Variants in NTN1 observed in about 807,000 individuals in gnomAD.
NTN1 encodes the protein netrin-1.
NTN1 carries 11 observed loss-of-function variants against 54.2 expected under a neutral mutation model. That is an observed-to-expected ratio of 0.20 (90% CI 0.13 to 0.34). NTN1 has a LOEUF of 0.34. NTN1 is among the 10% of genes least tolerant of loss of function. The probability of loss-of-function intolerance (pLI) is 1.00; values close to 1 mark genes in which losing one functional copy is unlikely to be tolerated. For synonymous variants in NTN1, 371 were observed against 382.0 expected, an observed-to-expected ratio of 0.97 and a Z score of 0.33; for missense variants, 740 against 893.1, an observed-to-expected ratio of 0.83 and a Z score of 2.18.
intron 2 of NTN1, among the ~76,000 whole-genome samples, chr17:9,148,855 T>C (rs1290978126): frequency 6.6e-6 from 1 of 151,974 alleles, no homozygotes; most frequent in Non-Finnish European, 1.5e-5. Flanking sequence ...GGCTGGTCTC[T>C]GGAGTTTACA....
chr17:9,192,355 A>G (rs1376046589), intron 5 of NTN1, among the ~76,000 whole-genome samples: 1 of 152,224 alleles, frequency 6.6e-6, no homozygotes, highest in Non-Finnish European at 1.5e-5. Context: ...GAAAGATAAA[A>G]TATAGTGCCA....
intron 5 of NTN1, among the ~76,000 whole-genome samples, chr17:9,204,579 GC>G (rs1310344273): frequency 1.3e-5 from 2 of 152,246 alleles, no homozygotes; most frequent in African/African-American, 4.8e-5. Context: ...ACAGGCGTGA[GC>G]CAAGCAACCC....
intron 5 of NTN1, among the ~76,000 whole-genome samples, chr17:9,187,672 A>C (rs2092437717): frequency 6.6e-6 from 1 of 151,196 alleles, no homozygotes; most frequent in Non-Finnish European, 1.5e-5. Context: ...AAAAAAAAAA[A>C]AAAAAAACAT....
Position 9,023,380 on chromosome 17 carries a change from A to G in NTN1, c.1007A>G (p.Asn336Ser), listed in dbSNP as rs1320393559. The G allele has an allele frequency of 7.5e-6, 11 of 1,469,022 alleles. No homozygotes were observed. In the South Asian group the frequency reaches 1.2e-4, roughly 16 times the overall value. The allele number at this position is 1,469,022 out of a possible 1,614,324, so 91.0% of individuals were successfully genotyped here. A position where few individuals can be genotyped will look rare whatever the true frequency, so the allele number is the denominator to read the frequency against. The change falls in exon 2 of 7, where the codon AAC becomes AGC. Residue 336 changes from asparagine (N) to serine (S), a missense_variant. Physicochemically the swap from Asn to Ser is conservative, Grantham distance 46. Coordinates refer to ENST00000173229, the MANE Select transcript of NTN1 (RefSeq NM_004822.3). ...CAGCGCGCCACAGCCCGCGAAGCCA[A>G]CGAGTGCGTGGGTGAGTGGGGTGCG... ...PWQRATAREANECVACNCNLH... is the reference protein window; with the variant it reads ...PWQRATAREASECVACNCNLH...
intron 2 of NTN1, among the ~76,000 whole-genome samples, chr17:9,110,357 C>T (rs1313459258): frequency 6.6e-6 from 1 of 151,704 alleles, no homozygotes; most frequent in South Asian, 2.1e-4. Context: ...GCAACCTCTG[C>T]CTCCCAGGTT....
At chr17:9,056,438 A>G (rs1036360569) in intron 2 of NTN1, among the ~76,000 whole-genome samples, 10 of 152,172 alleles carry the variant, frequency 6.6e-5, no homozygotes, top group African/African-American at 2.4e-4. Context: ...TTTGAGGTCT[A>G]TGGGAAGCCA....
rs182476716 is a variant in NTN1, at chr17:9,100,422, C to T, written c.1019-62391C>T. Among the ~76,000 whole-genome samples the T allele has an allele frequency of 2.0e-3, 309 of 152,246 alleles. 2 individuals carry two copies. The highest frequency in any genetic ancestry group is 3.7e-3 in the Non-Finnish European group (255 of 68,014). On this transcript the variant is annotated intron_variant, in intron 2 of 6. Coordinates refer to ENST00000173229, the MANE Select transcript of NTN1 (RefSeq NM_004822.3). ...AAGTGATTCTTCTGCCTCAGCCTTC[C>T]GAGTAGCTGGGACTACAAGCATGTG...
intron 2 of NTN1, among the ~76,000 whole-genome samples, chr17:9,095,792 T>C (rs991605238): frequency 4.7e-5 from 7 of 150,134 alleles, no homozygotes; most frequent in Middle Eastern, 3.4e-3. Context: ...TTTATAATTT[T>C]TTTCTTTTTC....
intron 2 of NTN1, among the ~76,000 whole-genome samples, chr17:9,032,713 G>T (rs2091891613): frequency 6.6e-6 from 1 of 152,222 alleles, no homozygotes. Context: ...CCCCAGGGCA[G>T]AGCTGTTGGA....
intron 2 of NTN1, among the ~76,000 whole-genome samples, chr17:9,133,878 G>A (rs1477881939): frequency 6.9e-6 from 1 of 144,648 alleles, no homozygotes; most frequent in Admixed American, 7.0e-5. Context: ...GAGATTACAG[G>A]CATGAGCCAC....
At chr17:9,210,250 C>A (rs548018119) in intron 5 of NTN1, among the ~76,000 whole-genome samples, 2 of 152,220 alleles carry the variant, frequency 1.3e-5, no homozygotes, top group East Asian at 3.9e-4. Context: ...CTCAGACCTT[C>A]CTGCCCTGCC....
chr17:9,117,310 C>T (rs2092216654), intron 2 of NTN1, among the ~76,000 whole-genome samples: 1 of 152,166 alleles, frequency 6.6e-6, no homozygotes, highest in South Asian at 2.1e-4. Flanking sequence ...ACTCTGCTTC[C>T]CAGGGAAGGG....
the NTN1 span, among the ~76,000 whole-genome samples, chr17:9,013,009 A>C: frequency 6.6e-6 from 1 of 151,854 alleles, no homozygotes; most frequent in Non-Finnish European, 1.5e-5. Flanking sequence ...TCTAGGAGCC[A>C]TTTTTTGGTT....
intron 2 of NTN1, among the ~76,000 whole-genome samples, chr17:9,160,636 T>G (rs1382117217): frequency 6.6e-6 from 1 of 152,196 alleles, no homozygotes; most frequent in African/African-American, 2.4e-5. Flanking sequence ...CCTGCTTTTG[T>G]TTTTTGAGTG....
At chr17:9,207,692 G>A (rs1233306574) in intron 5 of NTN1, among the ~76,000 whole-genome samples, 1 of 152,198 alleles carries the variant, frequency 6.6e-6, no homozygotes, top group Non-Finnish European at 1.5e-5. Flanking sequence ...CATTGCCACT[G>A]GAGCCGCGGA....
intron 2 of NTN1, among the ~76,000 whole-genome samples, chr17:9,066,445 G>A (rs1233315985): frequency 6.6e-6 from 1 of 151,422 alleles, no homozygotes; most frequent in African/African-American, 2.4e-5. Flanking sequence ...TGGCCAATAT[G>A]GTGAAACCCT....
At chr17:9,160,510 G>T (rs1597510738) in intron 2 of NTN1, among the ~76,000 whole-genome samples, 1 of 152,200 alleles carries the variant, frequency 6.6e-6, no homozygotes, top group African/African-American at 2.4e-5. Flanking sequence ...TATGATCCGT[G>T]TTTGTAGGAA....
intron 2 of NTN1, among the ~76,000 whole-genome samples, chr17:9,162,507 G>C (rs567646585): frequency 6.6e-6 from 1 of 152,216 alleles, no homozygotes; most frequent in South Asian, 2.1e-4. Flanking sequence ...CTGGCATAGG[G>C]CCCACTCTGA....
At chr17:9,005,687 G>A in the NTN1 span, among the ~76,000 whole-genome samples, 4 of 152,260 alleles carry the variant, frequency 2.6e-5, no homozygotes, top group East Asian at 1.9e-4. Flanking sequence ...CAGTCTTTTC[G>A]GTGTCCTCCC....
Sources: allele counts gnomAD v4.1 joint callset (sites outside exome capture counted in the v4.1 genomes callset), GRCh38; gene constraint gnomAD v4.1.1; transcripts MANE v1.5; gene names NCBI Gene and HGNC (gene_info 2026-07-23, HGNC 2026-07-21).